The following NRG3 variants were observed in gnomAD, a reference collection of about 807,000 sequenced individuals.
NRG3 encodes pro-neuregulin-3, membrane-bound isoform.
In NRG3, 31 loss-of-function variants were observed where a neutral mutation model predicts 66.9. That is an observed-to-expected ratio of 0.46 (90% confidence interval 0.35 to 0.63). NRG3 has a LOEUF of 0.63. NRG3 is among the 20% of genes least tolerant of loss of function. NRG3 has a pLI of 0.00. For synonymous variants in NRG3, 393 were observed against 359.4 expected, an observed-to-expected ratio of 1.09 and a Z score of -1.06; for missense variants, 910 against 878.9, an observed-to-expected ratio of 1.04 and a Z score of -0.45.
At chr10:82,701,113 A>G (rs1485466726) in intron 2 of NRG3, among the ~76,000 whole-genome samples, 1 of 152,100 alleles carries the variant, frequency 6.6e-6, no homozygotes, top group Non-Finnish European at 1.5e-5. Flanking sequence ...AATATCAGTT[A>G]TAACAATTGT....
At chr10:82,535,479 A>G (rs1258856389) in intron 2 of NRG3, among the ~76,000 whole-genome samples, 2 of 152,050 alleles carry the variant, frequency 1.3e-5, no homozygotes, top group African/African-American at 4.8e-5. Context: ...ATAAATCAGA[A>G]TTTTCTATTT....
chr10:82,351,633 G>A (rs1399039194), intron 1 of NRG3, among the ~76,000 whole-genome samples: 1 of 152,124 alleles, frequency 6.6e-6, no homozygotes, highest in Non-Finnish European at 1.5e-5. Flanking sequence ...AGAAGGTATT[G>A]GGGTTTCTAC....
chr10:81,881,306 A>G (rs1842161021), intron 1 of NRG3, among the ~76,000 whole-genome samples: 1 of 151,900 alleles, frequency 6.6e-6, no homozygotes, highest in Non-Finnish European at 1.5e-5. Context: ...TTATAAGTTA[A>G]TCTTTTGGGT....
At chr10:82,170,600 T>C (rs1303870202) in intron 1 of NRG3, among the ~76,000 whole-genome samples, 1 of 145,570 alleles carries the variant, frequency 6.9e-6, no homozygotes, top group East Asian at 2.0e-4. Context: ...TTCTCATTTT[T>C]AAAATGGGGA....
intron 1 of NRG3, among the ~76,000 whole-genome samples, chr10:81,942,215 T>C (rs1204061620): frequency 6.6e-6 from 1 of 152,128 alleles, no homozygotes; most frequent in African/African-American, 2.4e-5. Context: ...AAGATGTTTG[T>C]GCTGTTTCCT....
chr10:82,126,966 A>G (rs1441570203), intron 1 of NRG3, among the ~76,000 whole-genome samples: 1 of 152,060 alleles, frequency 6.6e-6, no homozygotes, highest in Non-Finnish European at 1.5e-5. Flanking sequence ...TCACAATGTT[A>G]TAACAGTTTC....
At chr10:82,840,108 T>A (rs2062983651) in intron 3 of NRG3, among the ~76,000 whole-genome samples, 1 of 152,198 alleles carries the variant, frequency 6.6e-6, no homozygotes, top group Admixed American at 6.6e-5. Context: ...AAAACAAGTT[T>A]ACTTACTTAA....
intron 1 of NRG3, among the ~76,000 whole-genome samples, chr10:82,206,031 A>G (rs781448752): frequency 3.9e-5 from 6 of 152,218 alleles, no homozygotes; most frequent in East Asian, 1.9e-4. Flanking sequence ...GCCTTACTCA[A>G]TGATGCTCTA....
intron 3 of NRG3, among the ~76,000 whole-genome samples, chr10:82,743,971 C>T (rs1162201578): frequency 6.6e-6 from 1 of 152,182 alleles, no homozygotes; most frequent in Non-Finnish European, 1.5e-5. Context: ...TGTTCTAATT[C>T]TGTGACCACC....
chr10:81,933,415 G>A (rs1460601063), intron 1 of NRG3, among the ~76,000 whole-genome samples: 1 of 152,052 alleles, frequency 6.6e-6, no homozygotes, highest in Non-Finnish European at 1.5e-5. Context: ...AGTAGACATA[G>A]GATTCAATTA....
At chr10:82,537,322 T>A (rs1280827335) in intron 2 of NRG3, among the ~76,000 whole-genome samples, 2 of 152,196 alleles carry the variant, frequency 1.3e-5, no homozygotes, top group African/African-American at 2.4e-5. Context: ...TTAAAAAATG[T>A]TCTACATATC....
chr10:82,902,379 C>CT (rs993872223), intron 4 of NRG3, among the ~76,000 whole-genome samples: 11 of 150,990 alleles, frequency 7.3e-5, no homozygotes, highest in South Asian at 2.1e-4. Flanking sequence ...TGCAGCATTT[C>CT]TTTTTTTTTG....
At chr10:82,817,727 G>A (rs769425516) in intron 3 of NRG3, among the ~76,000 whole-genome samples, 6 of 152,184 alleles carry the variant, frequency 3.9e-5, no homozygotes, top group Non-Finnish European at 8.8e-5. Context: ...GCCATTAAAA[G>A]GTCTGTTTCC....
chr10:82,707,693 C>T (rs958620974), intron 2 of NRG3, among the ~76,000 whole-genome samples: 3 of 151,286 alleles, frequency 2.0e-5, no homozygotes, highest in African/African-American at 7.3e-5. Context: ...TGTTCCCAGG[C>T]CTGATTTATT....
chr10:82,257,613 A>T (rs2077801022), intron 1 of NRG3, among the ~76,000 whole-genome samples: 1 of 152,074 alleles, frequency 6.6e-6, no homozygotes, highest in African/African-American at 2.4e-5. Context: ...GTAGAGATAT[A>T]CGAAAATTAG....
intron 1 of NRG3, among the ~76,000 whole-genome samples, chr10:82,175,425 A>G (rs2072955606): frequency 6.6e-6 from 1 of 152,026 alleles, no homozygotes; most frequent in Non-Finnish European, 1.5e-5. Context: ...CAGCTCAACC[A>G]TCCCTTCCCT....
At chr10:82,874,452 C>T (rs912240593) in intron 4 of NRG3, among the ~76,000 whole-genome samples, 3 of 143,094 alleles carry the variant, frequency 2.1e-5, no homozygotes, top group Admixed American at 7.1e-5. Context: ...AAAAAAAAAG[C>T]ATTTTCATTC....
intron 1 of NRG3, among the ~76,000 whole-genome samples, chr10:82,306,379 T>C (rs181722215): frequency 0.011 from 1,688 of 152,182 alleles, 20 homozygotes; most frequent in Non-Finnish European, 0.015. Flanking sequence ...TCTAACACTG[T>C]TTGAATAATA....
At chr10:82,840,741 C>T (rs1037214134) in intron 3 of NRG3, among the ~76,000 whole-genome samples, 3 of 152,112 alleles carry the variant, frequency 2.0e-5, no homozygotes, top group Non-Finnish European at 2.9e-5. Context: ...GTTGGATTCT[C>T]TACCTCCAGT....
Sources: gnomAD v4.1 joint callset for allele counts (sites outside exome capture counted in the v4.1 genomes callset) on GRCh38, gnomAD v4.1.1 for gene constraint, MANE v1.5 for transcripts, NCBI Gene and HGNC (gene_info 2026-07-23, HGNC 2026-07-21) for gene names.